The following OR2C1 variants were observed in gnomAD, a reference collection of about 807,000 sequenced individuals.
OR2C1 encodes the protein olfactory receptor 2C1.
For missense variants in OR2C1, 468 were observed against 388.3 expected, an observed-to-expected ratio of 1.21 and a Z score of -1.73; for synonymous variants, 209 against 167.3, an observed-to-expected ratio of 1.25 and a Z score of -1.92.
At chr16:3,342,978 G>T in the OR2C1 span, among the ~76,000 whole-genome samples, 1 of 152,110 alleles carries the variant, frequency 6.6e-6, no homozygotes, top group African/African-American at 2.4e-5. Context: ...ATCCAAGAAG[G>T]TTACATACTG....
At chr16:3,348,117 A>T in the OR2C1 span, among the ~76,000 whole-genome samples, 1 of 152,248 alleles carries the variant, frequency 6.6e-6, no homozygotes, top group Non-Finnish European at 1.5e-5. Context: ...CACAGACACA[A>T]AATAACACTA....
At chr16:3,355,464 A>C (rs1448194237), upstream of OR2C1, among the ~76,000 whole-genome samples, 3 of 133,890 alleles carry the variant, frequency 2.2e-5, no homozygotes, top group Middle Eastern at 4.2e-3. Flanking sequence ...TCTCAAAAAA[A>C]AAAAAAAAGC....
At chr16:3,335,410 T>C in the OR2C1 span, among the ~76,000 whole-genome samples, 3 of 152,066 alleles carry the variant, frequency 2.0e-5, no homozygotes, top group African/African-American at 4.8e-5. Context: ...TTTGGTTAAA[T>C]TGATTCCTAG....
chr16:3,336,812 G>A, the OR2C1 span, among the ~76,000 whole-genome samples: 2 of 143,862 alleles, frequency 1.4e-5, no homozygotes, highest in East Asian at 4.3e-4. Context: ...AGGTTCAAGC[G>A]ATTCTTCTTC....
the OR2C1 span, chr16:3,323,612 G>A: frequency 1.4e-6 from 1 of 737,640 alleles, no homozygotes; most frequent in East Asian, 2.4e-5. Flanking sequence ...TGCAATGGCT[G>A]TCTGCACCAG....
At chr16:3,340,819 G>T in the OR2C1 span, among the ~76,000 whole-genome samples, 6 of 151,810 alleles carry the variant, frequency 4.0e-5, no homozygotes, top group African/African-American at 1.2e-4. Context: ...TTATGTATCT[G>T]TTCTTATGTC....
At chr16:3,344,465 C>T in the OR2C1 span, among the ~76,000 whole-genome samples, 10 of 152,042 alleles carry the variant, frequency 6.6e-5, no homozygotes, top group Admixed American at 2.0e-4. Flanking sequence ...CGGTGGCTCA[C>T]GCCCGTAATC....
the OR2C1 span, among the ~76,000 whole-genome samples, chr16:3,344,469 C>T: frequency 8.6e-5 from 13 of 151,716 alleles, no homozygotes; most frequent in East Asian, 5.9e-4. Flanking sequence ...GGCTCACGCC[C>T]GTAATCCCAG....
the OR2C1 span, among the ~76,000 whole-genome samples, chr16:3,330,800 G>A: frequency 6.6e-6 from 1 of 152,040 alleles, no homozygotes; most frequent in Non-Finnish European, 1.5e-5. Context: ...TGCATGCAGT[G>A]GCACAGTCAC....
the OR2C1 span, among the ~76,000 whole-genome samples, chr16:3,336,700 C>A: frequency 6.3e-5 from 6 of 95,218 alleles, no homozygotes; most frequent in African/African-American, 2.0e-4. Context: ...ATTTTCTTTT[C>A]TTTCTTTCTT....
chr16:3,325,999 C>T, the OR2C1 span, among the ~76,000 whole-genome samples: 51 of 147,960 alleles, frequency 3.4e-4, 1 homozygote, highest in South Asian at 8.4e-3. Context: ...GGTGCGATCT[C>T]GGCTCAATGC....
chr16:3,323,236 A>T, the OR2C1 span: 2 of 768,834 alleles, frequency 2.6e-6, no homozygotes, highest in African/African-American at 3.4e-5. Context: ...CAATAGCCAG[A>T]TGTGCCCATC....
chr16:3,329,394 A>C, the OR2C1 span, among the ~76,000 whole-genome samples: 1 of 152,142 alleles, frequency 6.6e-6, no homozygotes, highest in Non-Finnish European at 1.5e-5. Flanking sequence ...AGGATAGATA[A>C]GAATAAAGGC....
chr16:3,355,258 C>T (rs186043242), upstream of OR2C1, among the ~76,000 whole-genome samples: 65 of 150,930 alleles, frequency 4.3e-4, no homozygotes, highest in Admixed American at 2.9e-3. Context: ...GTCAGGAGTT[C>T]GAGACCAGCC....
chr16:3,340,198 G>A, the OR2C1 span, among the ~76,000 whole-genome samples: 1 of 151,964 alleles, frequency 6.6e-6, no homozygotes, highest in Non-Finnish European at 1.5e-5. Flanking sequence ...AGAATTGCTT[G>A]AACCCAGGAG....
chr16:3,333,210 CATTTTTTTTTTTTTTTTTTTTTTT>C, the OR2C1 span, among the ~76,000 whole-genome samples: 6 of 33,030 alleles, frequency 1.8e-4, no homozygotes, highest in Non-Finnish European at 3.3e-4. Flanking sequence ...ATCTTTTGCC[CATTTTTTTTTTTTTTTTTTTTTTT>C]TTTTTTTTTT....
chr16:3,346,202 G>GTGTA, the OR2C1 span, among the ~76,000 whole-genome samples: 1 of 152,130 alleles, frequency 6.6e-6, no homozygotes, highest in Non-Finnish European at 1.5e-5. Context: ...GTGTGTGTGT[G>GTGTA]TGTATGTTCT....
the OR2C1 span, among the ~76,000 whole-genome samples, chr16:3,349,477 C>T: frequency 1.3e-5 from 2 of 152,160 alleles, no homozygotes; most frequent in South Asian, 4.1e-4. Context: ...CCCCAGTTCG[C>T]GGACAGGAGG....
the OR2C1 span, among the ~76,000 whole-genome samples, chr16:3,326,725 T>C: frequency 6.6e-6 from 1 of 152,202 alleles, no homozygotes; most frequent in African/African-American, 2.4e-5. Flanking sequence ...CTTAAGCTGG[T>C]CCTATTGGGA....
Sources: allele counts gnomAD v4.1 joint callset (sites outside exome capture counted in the v4.1 genomes callset), GRCh38; gene constraint gnomAD v4.1.1; transcripts MANE v1.5; gene names NCBI Gene and HGNC (gene_info 2026-07-23, HGNC 2026-07-21).